LRMDA: variants seen among roughly 807,000 people sequenced by gnomAD.
LRMDA encodes the protein leucine rich melanocyte differentiation associated.
In LRMDA, 18 loss-of-function variants were observed where a neutral mutation model predicts 29.8. The ratio of observed to expected loss-of-function variants is 0.60; its 90% CI spans 0.42 to 0.90. The LOEUF (loss-of-function observed/expected upper bound fraction) is 0.90, where lower values mean the gene tolerates loss of function less well. Among genes scored for constraint, LRMDA ranks in the 40% least tolerant of loss-of-function variants. LRMDA has a pLI of 0.00. For synonymous variants in LRMDA, 125 were observed against 109.4 expected (o/e 1.14, Z -0.89); for missense variants, 273 against 273.9 (o/e 1.00, Z 0.02).
intron 6 of LRMDA, among the ~76,000 whole-genome samples, chr10:76,483,724 T>TA (rs755947041): frequency 0.03 from 3,904 of 128,528 alleles, 63 homozygotes; most frequent in Non-Finnish European, 0.04. Flanking sequence ...AAGAAACCAT[T>TA]AAAAAAAAAA....
At chr10:76,219,746 C>T (rs1168428367) in intron 5 of LRMDA, among the ~76,000 whole-genome samples, 6 of 152,160 alleles carry the variant, frequency 3.9e-5, no homozygotes, top group Non-Finnish European at 5.9e-5. Flanking sequence ...GAATTGAACT[C>T]AGCTCTGCAC....
Position 76,195,014 on chromosome 10 carries a change from C to T in LRMDA, c.517-129387C>T, listed in dbSNP as rs192230982. 1.2e-3 allele frequency among the ~76,000 whole-genome samples: 183 copies of T among 152,232 alleles called. 1 individual carries two copies. The highest frequency in any genetic ancestry group is 3.9e-3 in the African/African-American group (163 of 41,558). On this transcript the variant is annotated intron_variant, in intron 5 of 6. Transcript: ENST00000611255. ...TGTGTTTCCTGGGATGCTCTTTGGT[C>T]AAAGCCACTCTTGAGATTCATTTTT...
Position 76,058,712 on chromosome 10 carries a change from C to T in LRMDA, c.445C>T (p.Gln149Ter). The T allele has an allele frequency of 1.2e-6, 2 of 1,614,022 alleles. No individual in the cohort carries two copies. Among genetic ancestry groups the T allele is most frequent in the Non-Finnish European group, 1.7e-6 (2 of 1,179,986 alleles). Residue 149 changes from glutamine (Q) to a stop codon, truncating the protein, a stop_gained, in exon 5 of 7, where the codon CAG (glutamine) becomes TAG (stop). Coordinates refer to ENST00000611255, the MANE Select transcript of LRMDA (RefSeq NM_001305581.2). LOFTEE classifies it high-confidence loss of function. ...KLPNLKFLDA[Q>*]KVTRQEREEA... ...GCCCAACTTGAAATTTCTGGATGCC[C>T]AGAAAGTAACCAGACAAGAACGAGA...
At chr10:76,192,493 C>T (rs1266520117) in intron 5 of LRMDA, among the ~76,000 whole-genome samples, 4 of 152,132 alleles carry the variant, frequency 2.6e-5, no homozygotes, top group East Asian at 3.9e-4. Flanking sequence ...TTAAGATCAG[C>T]CCTGGCTATT....
chr10:75,998,425 G>C (rs915005696), intron 2 of LRMDA, among the ~76,000 whole-genome samples: 11 of 152,058 alleles, frequency 7.2e-5, no homozygotes, highest in Admixed American at 6.5e-4. Flanking sequence ...CTTGCTACTT[G>C]TAAGTTCCCA....
At chr10:75,711,919 AACACACAC>A (rs146819347) in intron 2 of LRMDA, among the ~76,000 whole-genome samples, 3 of 149,240 alleles carry the variant, frequency 2.0e-5, no homozygotes, top group Admixed American at 6.7e-5. Flanking sequence ...TTGAAGGTAA[AACACACAC>A]ACACACACAC....
intron 5 of LRMDA, among the ~76,000 whole-genome samples, chr10:76,157,807 A>G (rs1208061488): frequency 1.3e-5 from 2 of 152,152 alleles, no homozygotes; most frequent in Non-Finnish European, 2.9e-5. Flanking sequence ...TGATTTTGTC[A>G]TTGTGTGAAC....
chr10:75,966,652 T>C (rs1846865690), intron 2 of LRMDA, among the ~76,000 whole-genome samples: 1 of 152,224 alleles, frequency 6.6e-6, no homozygotes, highest in Non-Finnish European at 1.5e-5. Flanking sequence ...TCACCTGGCA[T>C]GGGCAACAGT....
intron 2 of LRMDA, among the ~76,000 whole-genome samples, chr10:75,916,358 G>A (rs1455707549): frequency 3.3e-5 from 5 of 152,134 alleles, no homozygotes; most frequent in African/African-American, 1.2e-4. Context: ...GGCTATTGCT[G>A]GCTGGGCTCC....
At chr10:76,301,070 T>C (rs560927285) in intron 5 of LRMDA, among the ~76,000 whole-genome samples, 1 of 152,324 alleles carries the variant, frequency 6.6e-6, no homozygotes, top group South Asian at 2.1e-4. Context: ...TTTTTTTCCT[T>C]CTGGTTAAGA....
intron 2 of LRMDA, among the ~76,000 whole-genome samples, chr10:75,923,627 G>A (rs2132391985): frequency 6.6e-6 from 1 of 152,268 alleles, no homozygotes; most frequent in South Asian, 2.1e-4. Context: ...AGTTTCCTGT[G>A]CTTAGAGATT....
chr10:75,855,523 AC>A, intron 2 of LRMDA, among the ~76,000 whole-genome samples: 4 of 151,992 alleles, frequency 2.6e-5, no homozygotes, highest in Admixed American at 2.6e-4. Flanking sequence ...CTGCCTGTTC[AC>A]TCTGATGGTA....
rs540375510 is a variant in LRMDA, at chr10:76,438,986, C to T, written c.601+114501C>T. On this transcript the variant is annotated intron_variant, in intron 6 of 6. Transcript: ENST00000611255. ...CATACACTGTGTTGTCAAAATTGAG[C>T]CTAAGTGAACTATGATGAAAATTTA... Among the ~76,000 whole-genome samples the T allele has an allele frequency of 2.0e-5, 3 of 151,928 alleles. No individual in the cohort carries two copies. The South Asian group carries it at 6.3e-4, about 32-fold the overall frequency.
chr10:75,661,505 G>A (rs535495314), intron 2 of LRMDA, among the ~76,000 whole-genome samples: 23 of 152,184 alleles, frequency 1.5e-4, no homozygotes, highest in Non-Finnish European at 2.4e-4. Flanking sequence ...TCCAGGGACC[G>A]TACTTTGAGT....
At chr10:75,994,827 G>GCAACT (rs1190266149) in intron 2 of LRMDA, among the ~76,000 whole-genome samples, 3 of 152,136 alleles carry the variant, frequency 2.0e-5, no homozygotes, top group Admixed American at 6.5e-5. Flanking sequence ...AAATAACGCA[G>GCAACT]CAACTCAACA....
intron 2 of LRMDA, among the ~76,000 whole-genome samples, chr10:75,578,337 C>T (rs1463159469): frequency 1.3e-5 from 2 of 150,492 alleles, no homozygotes; most frequent in Non-Finnish European, 3.0e-5. Flanking sequence ...GGGATCAATG[C>T]AACAAGAAGA....
chr10:75,666,732 A>G (rs1841827519), intron 2 of LRMDA, among the ~76,000 whole-genome samples: 1 of 152,178 alleles, frequency 6.6e-6, no homozygotes, highest in South Asian at 2.1e-4. Flanking sequence ...CAACATGCTG[A>G]CCATCATATT....
At chr10:75,905,469 T>C in intron 2 of LRMDA, among the ~76,000 whole-genome samples, 1 of 152,074 alleles carries the variant, frequency 6.6e-6, no homozygotes, top group East Asian at 1.9e-4. Context: ...ATATTTAAAG[T>C]GATGAATATC....
intron 5 of LRMDA, among the ~76,000 whole-genome samples, chr10:76,166,972 T>G (rs1850752162): frequency 6.6e-6 from 1 of 151,900 alleles, no homozygotes; most frequent in African/African-American, 2.4e-5. Context: ...TTTTTGTTTG[T>G]TCGTTTGACT....
Sources: gnomAD v4.1 joint callset for allele counts (sites outside exome capture counted in the v4.1 genomes callset) on GRCh38, gnomAD v4.1.1 for gene constraint, MANE v1.5 for transcripts, NCBI Gene and HGNC (gene_info 2026-07-23, HGNC 2026-07-21) for gene names.